ACSS3: variants seen among roughly 807,000 people sequenced by gnomAD.
ACSS3 encodes the protein acyl-CoA synthetase short chain family member 3, also known as acyl-CoA synthetase short-chain family member 3, mitochondrial.
Under a neutral mutation model 84.2 loss-of-function variants are expected in ACSS3, and 64 were observed. The ratio of observed to expected loss-of-function variants is 0.76; its 90% CI spans 0.62 to 0.94. The LOEUF (loss-of-function observed/expected upper bound fraction) is 0.94, where lower values mean the gene tolerates loss of function less well. ACSS3 is among the 40% of genes least tolerant of loss of function. The pLI, the probability that ACSS3 is intolerant of heterozygous loss-of-function variation, is 0.00. For synonymous variants in ACSS3, 317 were observed against 310.1 expected (o/e 1.02, Z -0.23); for missense variants, 815 against 867.6 (o/e 0.94, Z 0.76).
At position 81,229,824 on chromosome 12, in the gene ACSS3, C is replaced by T. The variant is rs141380287; in HGVS notation, c.1515-1233C>T. 2.6e-3 allele frequency among the ~76,000 whole-genome samples: 397 copies of T among 151,986 alleles called. 2 individuals are homozygous for T. The highest frequency in any genetic ancestry group is 9.1e-3 in the African/African-American group (377 of 41,500). On this transcript the variant is annotated intron_variant, in intron 11 of 15. Transcript: ENST00000548058. Reference sequence around the variant, plus strand: ...AAGAGCATCTAGCAAAGGAGAACTCCGCAGGATCACTACTGGGAGGCTGGA... The same window carrying T: ...AAGAGCATCTAGCAAAGGAGAACTCTGCAGGATCACTACTGGGAGGCTGGA...
intron 10 of ACSS3, 137 bp from the exon 11 acceptor site, chr12:81,219,876 T>C (rs2033042709): frequency 2.2e-6 from 1 of 452,708 alleles, no homozygotes; most frequent in Non-Finnish European, 3.7e-6. Flanking sequence ...TTAGTTTATA[T>C]TTGTTCATGG....
chr12:81,173,508 TA>T (rs1231830880), intron 7 of ACSS3, among the ~76,000 whole-genome samples: 1 of 151,672 alleles, frequency 6.6e-6, no homozygotes, highest in African/African-American at 2.4e-5. Flanking sequence ...GAAAACCATT[TA>T]AAAATAATAA....
At chr12:81,209,487 T>C (rs1396631406) in intron 9 of ACSS3, among the ~76,000 whole-genome samples, 2 of 152,052 alleles carry the variant, frequency 1.3e-5, no homozygotes, top group Non-Finnish European at 2.9e-5. Context: ...CCAGGGATTC[T>C]GGTGCTCCAA....
chr12:81,155,562 A>G (rs893196576), intron 7 of ACSS3, among the ~76,000 whole-genome samples: 8 of 152,238 alleles, frequency 5.3e-5, no homozygotes, highest in African/African-American at 1.7e-4. Flanking sequence ...GCAGTAATGC[A>G]AACTGAGAAT....
intron 8 of ACSS3, among the ~76,000 whole-genome samples, chr12:81,177,188 A>G (rs1329921390): frequency 6.6e-6 from 1 of 152,176 alleles, no homozygotes; most frequent in Non-Finnish European, 1.5e-5. Flanking sequence ...ATCTATAACA[A>G]ATCTACAGCC....
intron 1 of ACSS3, among the ~76,000 whole-genome samples, chr12:81,095,359 A>G (rs1565972380): frequency 6.6e-6 from 1 of 152,224 alleles, no homozygotes; most frequent in African/African-American, 2.4e-5. Context: ...TGAATTTAAT[A>G]TACTTATGCT....
Position 81,220,020 on chromosome 12 carries a change from T to G in ACSS3, c.1458T>G (p.Ile486Met). ...GKSVPGYNVMILDDNMQKLKA... is the reference protein window; with the variant it reads ...GKSVPGYNVMMLDDNMQKLKA... ...TTATATTTTACTTTGTAGTTATGAT[T>G]TTGGATGACAACATGCAAAAACTGA... Residue 486 changes from isoleucine to methionine, a missense_variant, in exon 11 of 16, where the codon ATT becomes ATG. By Grantham distance (10) the Ile-to-Met change is conservative. Transcript: ENST00000548058. 6.5e-7 allele frequency: 1 copy of G among 1,535,942 alleles called. No individual in the cohort carries two copies.
intron 5 of ACSS3, among the ~76,000 whole-genome samples, chr12:81,144,353 G>A (rs1886226270): frequency 6.6e-6 from 1 of 152,096 alleles, no homozygotes; most frequent in Non-Finnish European, 1.5e-5. Context: ...GAAGATATTT[G>A]TTTCATTGTA....
chr12:81,100,378 G>A (rs1359340383), intron 1 of ACSS3, among the ~76,000 whole-genome samples: 1 of 152,048 alleles, frequency 6.6e-6, no homozygotes, highest in Non-Finnish European at 1.5e-5. Context: ...AGATCGCTTT[G>A]GGGAGGCCCT....
intron 1 of ACSS3, among the ~76,000 whole-genome samples, chr12:81,082,825 A>G (rs969098587): frequency 1.3e-5 from 2 of 152,174 alleles, no homozygotes; most frequent in African/African-American, 4.8e-5. Context: ...TATTTGCAAA[A>G]TTAGAATCAT....
intron 10 of ACSS3, among the ~76,000 whole-genome samples, chr12:81,218,643 C>T (rs1185472124): frequency 6.6e-6 from 1 of 152,052 alleles, no homozygotes; most frequent in Non-Finnish European, 1.5e-5. Flanking sequence ...ATCTCTGCTC[C>T]TTTTATCAGA....
At chr12:81,098,971 G>A (rs1308806746) in intron 1 of ACSS3, among the ~76,000 whole-genome samples, 3 of 152,102 alleles carry the variant, frequency 2.0e-5, no homozygotes, top group African/African-American at 7.2e-5. Context: ...CAGTTATAAT[G>A]TTTCCCCTTC....
At chr12:81,254,316 C>T (rs2034242663) in intron 15 of ACSS3, among the ~76,000 whole-genome samples, 1 of 152,000 alleles carries the variant, frequency 6.6e-6, no homozygotes, top group Admixed American at 6.6e-5. Flanking sequence ...GTACATTTTC[C>T]TTATTATAGT....
intron 13 of ACSS3, among the ~76,000 whole-genome samples, chr12:81,246,443 T>G (rs747424177): frequency 1.2e-4 from 19 of 152,172 alleles, no homozygotes; most frequent in Admixed American, 2.6e-4. Flanking sequence ...CAGTTACACA[T>G]GCTGAGCTGC....
intron 1 of ACSS3, among the ~76,000 whole-genome samples, chr12:81,108,429 C>T (rs917030014): frequency 2.0e-5 from 3 of 152,010 alleles, no homozygotes; most frequent in African/African-American, 7.2e-5. Flanking sequence ...AGGCACCTGT[C>T]ACCATGCCTG....
chr12:81,177,872 TA>T (rs1403006808), intron 8 of ACSS3, among the ~76,000 whole-genome samples: 1 of 152,214 alleles, frequency 6.6e-6, no homozygotes, highest in Non-Finnish European at 1.5e-5. Context: ...GGTGGGACTG[TA>T]AACTAGTTCA....
chr12:81,190,252 T>TG (rs1349678318), intron 8 of ACSS3, among the ~76,000 whole-genome samples: 1 of 152,114 alleles, frequency 6.6e-6, no homozygotes, highest in African/African-American at 2.4e-5. Context: ...ATTGATACAG[T>TG]GAAAAAGTCC....
intron 1 of ACSS3, among the ~76,000 whole-genome samples, chr12:81,104,526 G>C (rs1040516830): frequency 2.0e-5 from 3 of 152,110 alleles, no homozygotes; most frequent in Non-Finnish European, 4.4e-5. Context: ...ATTAGTTTAT[G>C]TGGGGAGCTG....
At chr12:81,164,276 T>C (rs934009553) in intron 7 of ACSS3, among the ~76,000 whole-genome samples, 16 of 152,212 alleles carry the variant, frequency 1.1e-4, no homozygotes, top group African/African-American at 3.6e-4. Flanking sequence ...TACAGATATG[T>C]AGCCTTGGAG....
Sources: gnomAD v4.1 joint callset for allele counts (sites outside exome capture counted in the v4.1 genomes callset) on GRCh38, gnomAD v4.1.1 for gene constraint, MANE v1.5 for transcripts, NCBI Gene and HGNC (gene_info 2026-07-23, HGNC 2026-07-21) for gene names.